ME1: variants seen among roughly 807,000 people sequenced by gnomAD.
The protein encoded by ME1 is malic enzyme 1, also known as NADP-dependent malic enzyme.
Under a neutral mutation model 66.4 loss-of-function variants are expected in ME1, and 74 were observed. That is an observed-to-expected ratio of 1.11 (90% CI 0.92 to 1.35). The LOEUF is 1.35. Among genes scored for constraint, ME1 ranks in the 40% most tolerant of loss-of-function variants. The pLI is 0.00. For synonymous variants in ME1, 251 were observed against 235.6 expected (o/e 1.07, Z -0.60); for missense variants, 750 against 694.1 (o/e 1.08, Z -0.90).
intron 7 of ME1, among the ~76,000 whole-genome samples, chr6:83,243,059 A>C (rs1458420019): frequency 6.6e-6 from 1 of 151,626 alleles, no homozygotes; most frequent in East Asian, 1.9e-4. Context: ...GGGATTTGAG[A>C]CCAGCCTGGG....
intron 13 of ME1, among the ~76,000 whole-genome samples, chr6:83,214,269 T>A (rs1353058626): frequency 6.6e-6 from 1 of 152,174 alleles, no homozygotes; most frequent in African/African-American, 2.4e-5. Flanking sequence ...ATAGAAATAA[T>A]CCCTTCTCCC....
intron 3 of ME1, chr6:83,392,570 C>A: frequency 1.8e-6 from 1 of 558,984 alleles, no homozygotes; most frequent in Non-Finnish European, 3.5e-6. Flanking sequence ...TATAATTCCG[C>A]CCATGGCAAA....
At chr6:83,268,029 T>C (rs1490575269) in intron 6 of ME1, among the ~76,000 whole-genome samples, 1 of 152,206 alleles carries the variant, frequency 6.6e-6, no homozygotes, top group Non-Finnish European at 1.5e-5. Flanking sequence ...TGGCATGCTC[T>C]ATAAAGAAAA....
intron 6 of ME1, among the ~76,000 whole-genome samples, chr6:83,282,665 T>C (rs1767319797): frequency 6.6e-6 from 1 of 151,930 alleles, no homozygotes; most frequent in Non-Finnish European, 1.5e-5. Context: ...CTGGTGGGAG[T>C]ATAAGTTAGT....
At chr6:83,400,162 T>C (rs1158489938) in intron 2 of ME1, among the ~76,000 whole-genome samples, 1 of 152,194 alleles carries the variant, frequency 6.6e-6, no homozygotes, top group Non-Finnish European at 1.5e-5. Context: ...CTTCCAAATC[T>C]CATGTTGAAA....
chr6:83,350,235 T>C (rs1415122511), intron 4 of ME1, among the ~76,000 whole-genome samples: 1 of 152,222 alleles, frequency 6.6e-6, no homozygotes, highest in African/African-American at 2.4e-5. Flanking sequence ...CTAAGATTTT[T>C]AAATAAAAGA....
intron 6 of ME1, among the ~76,000 whole-genome samples, chr6:83,273,490 CTCAACACTTACGTT>C (rs1236545968): frequency 2.0e-5 from 3 of 152,136 alleles, no homozygotes; most frequent in Non-Finnish European, 1.5e-5. Context: ...ACCACCTCAA[CTCAACACTTACGTT>C]TCAACAAAAA....
chr6:83,354,798 T>C (rs1768859369), intron 3 of ME1, among the ~76,000 whole-genome samples: 1 of 152,246 alleles, frequency 6.6e-6, no homozygotes, highest in South Asian at 2.1e-4. Flanking sequence ...GTAATCCTGA[T>C]GCCTATAAGT....
chr6:83,309,626 C>T (rs770163654), intron 6 of ME1, among the ~76,000 whole-genome samples: 10 of 152,000 alleles, frequency 6.6e-5, no homozygotes, highest in East Asian at 1.9e-4. Context: ...AGTTTTACCA[C>T]GTGATTCTGA....
At chr6:83,309,534 G>A (rs1282182810) in intron 6 of ME1, among the ~76,000 whole-genome samples, 1 of 152,128 alleles carries the variant, frequency 6.6e-6, no homozygotes, top group African/African-American at 2.4e-5. Context: ...AGGGCTGGGA[G>A]TCAGTGGGAG....
chr6:83,382,084 G>T (rs1034018323), intron 3 of ME1, among the ~76,000 whole-genome samples: 1 of 151,342 alleles, frequency 6.6e-6, no homozygotes, highest in Non-Finnish European at 1.5e-5. Flanking sequence ...TCCTTCAAGC[G>T]GCAGCCTAAA....
chr6:83,295,413 G>T (rs1767579058), intron 6 of ME1, among the ~76,000 whole-genome samples: 1 of 152,306 alleles, frequency 6.6e-6, no homozygotes, highest in South Asian at 2.1e-4. Context: ...TCTTAACCAG[G>T]ATGAGATGAC....
At chr6:83,429,506 T>C (rs985835496) in intron 1 of ME1, among the ~76,000 whole-genome samples, 1 of 152,092 alleles carries the variant, frequency 6.6e-6, no homozygotes, top group African/African-American at 2.4e-5. Flanking sequence ...TCACATCAAA[T>C]TTTACTTTTG....
At chr6:83,405,727 T>G (rs1237494673) in intron 2 of ME1, among the ~76,000 whole-genome samples, 2 of 148,772 alleles carry the variant, frequency 1.3e-5, no homozygotes, top group Non-Finnish European at 3.0e-5. Context: ...TTGTTGTTTT[T>G]TTTTTTTTTT....
At chr6:83,348,304 T>C (rs916001977) in intron 4 of ME1, among the ~76,000 whole-genome samples, 1 of 152,216 alleles carries the variant, frequency 6.6e-6, no homozygotes, top group Non-Finnish European at 1.5e-5. Flanking sequence ...GTACTTCTAA[T>C]GTGTATTTAA....
At chr6:83,429,364 G>C (rs117742161) in intron 1 of ME1, among the ~76,000 whole-genome samples, 1 of 152,104 alleles carries the variant, frequency 6.6e-6, no homozygotes, top group African/African-American at 2.4e-5. Flanking sequence ...ACTCTTAATA[G>C]ACACTCTTGC....
chr6:83,286,346 T>C (rs976911346), intron 6 of ME1, among the ~76,000 whole-genome samples: 3 of 152,182 alleles, frequency 2.0e-5, no homozygotes, highest in Non-Finnish European at 2.9e-5. Context: ...GTTATTAACA[T>C]TGATGGAAGA....
intron 12 of ME1, among the ~76,000 whole-genome samples, chr6:83,222,886 GATGT>G (rs1388580864): frequency 6.6e-6 from 1 of 152,176 alleles, no homozygotes; most frequent in Non-Finnish European, 1.5e-5. Context: ...CCTGCTTTGT[GATGT>G]TCTGAGAATC....
Position 83,210,948 on chromosome 6 carries a change from A to T in ME1, c.*976T>A, listed in dbSNP as rs1178498706. On this transcript the variant is annotated 3_prime_UTR_variant, in exon 14 of 14. Transcript: ENST00000369705. Reference sequence around the variant, plus strand: ...CTTTCTCCAAATTCAGGCAAAAGCAAGATGATTATAACACAGTTAGCTCTT... The same window carrying T: ...CTTTCTCCAAATTCAGGCAAAAGCATGATGATTATAACACAGTTAGCTCTT... 2.6e-5 allele frequency: 4 copies of T among 152,228 alleles called. No homozygotes were observed. Among genetic ancestry groups the T allele is most frequent in the African/African-American group, 9.6e-5 (4 of 41,464 alleles). The allele number at this position is 152,228 out of a possible 1,614,324, so 9.4% of individuals were successfully genotyped here. A position where few individuals can be genotyped will look rare whatever the true frequency, so the allele number is the denominator to read the frequency against.
Sources: allele counts gnomAD v4.1 joint callset (sites outside exome capture counted in the v4.1 genomes callset), GRCh38; gene constraint gnomAD v4.1.1; transcripts MANE v1.5; gene names NCBI Gene and HGNC (gene_info 2026-07-23, HGNC 2026-07-21).